Variants in ITPR3 observed in about 807,000 individuals in gnomAD.
The protein encoded by ITPR3 is inositol 1,4,5-trisphosphate-gated calcium channel ITPR3.
In ITPR3, 173 loss-of-function variants were observed where a neutral mutation model predicts 293.2. The observed-to-expected ratio is 0.59, with a 90% CI of 0.52 to 0.67. ITPR3 has a LOEUF of 0.67. Ranked by LOEUF, ITPR3 falls within the 30% of genes least tolerant of loss-of-function variation. The probability of loss-of-function intolerance (pLI) is 0.00; values close to 1 mark genes in which losing one functional copy is unlikely to be tolerated. For synonymous variants in ITPR3, 1,295 were observed against 1,444.4 expected (o/e 0.90, Z 2.35); for missense variants, 2,796 against 3,592.1 (o/e 0.78, Z 5.66).
At chr6:33,663,229 CAG>C (rs1459236161) in intron 9 of ITPR3, among the ~76,000 whole-genome samples, 1 of 151,160 alleles carries the variant, frequency 6.6e-6, no homozygotes, top group Non-Finnish European at 1.5e-5. Context: ...ATTCTAGGCA[CAG>C]GGGATACAAA....
At chr6:33,639,370 C>T (rs149416536) in intron 1 of ITPR3, among the ~76,000 whole-genome samples, 1,651 of 132,972 alleles carry the variant, frequency 0.012, 39 homozygotes, top group African/African-American at 0.047. Flanking sequence ...CAGAGTGAAA[C>T]TCTGTCTCAA....
chr6:33,666,735 G>A lies in ITPR3; in HGVS notation c.1552-394G>A, dbSNP rs1764619171. Reference sequence around the variant, plus strand: ...CAGCCCCAGCCTTTAAAACATTTTTGTAATTATGTAACATTTTACTTTGAC... The same window carrying A: ...CAGCCCCAGCCTTTAAAACATTTTTATAATTATGTAACATTTTACTTTGAC... On this transcript the variant is annotated intron_variant, in intron 14 of 57. Transcript: ENST00000605930. This position sits in a 1 kb window ranked among gnomAD's most constrained non-coding sequence, Gnocchi z 5.1. 6.6e-6 allele frequency among the ~76,000 whole-genome samples: 1 copy of A among 151,576 alleles called. No homozygotes were observed. The highest frequency in any genetic ancestry group is 1.5e-5 in the Non-Finnish European group (1 of 67,954).
chr6:33,690,824 C>A, intron 51 of ITPR3, 93 bp from the exon 52 acceptor site: 1 of 1,199,296 alleles, frequency 8.3e-7, no homozygotes, highest in Non-Finnish European at 1.2e-6. Context: ...TGTCTGGAGC[C>A]CAGGCAGCCC....
In ITPR3 at chr6:33,640,164, G is replaced by A. The variant is rs115435819; in HGVS notation, c.90-320G>A. Among the ~76,000 whole-genome samples the A allele has an allele frequency of 3.2e-3, 492 of 152,188 alleles. 1 individual carries two copies. The highest frequency in any genetic ancestry group is 0.012 in the South Asian group (57 of 4,810). On this transcript the variant is annotated intron_variant, in intron 1 of 57. Coordinates refer to ENST00000605930, the MANE Select transcript of ITPR3 (RefSeq NM_002224.4). Reference sequence around the variant, plus strand: ...TCAGGGCAGCAGGGTCTCAGGGCTGGGACAGGAGATACACCTGCAGCATGT... The same window carrying A: ...TCAGGGCAGCAGGGTCTCAGGGCTGAGACAGGAGATACACCTGCAGCATGT...
rs988116082 is a variant in ITPR3, at chr6:33,672,116, C to T, written c.2816C>T (p.Pro939Leu). Residue 939 changes from proline (P) to leucine (L), a missense_variant, in exon 22 of 58, where the codon CCC becomes CTC. Pro to Leu is a moderately conservative substitution (Grantham distance 98, BLOSUM62 -3). This residue lies in a region of ITPR3 where 955 missense variants were observed against 1,180.8 expected (regional missense o/e 0.81). Coordinates refer to ENST00000605930, the MANE Select transcript of ITPR3 (RefSeq NM_002224.4). This position sits in a 1 kb window ranked among gnomAD's most constrained non-coding sequence, Gnocchi z 5.0. ...CGCAAGCAGTCCGTCTTCAGTGCCC[C>T]CAGCCTGTCTGCTGGGGCCAGTGCT... Reference protein sequence around the residue: ...LSRKQSVFSAPSLSAGASAAE... With the variant: ...LSRKQSVFSALSLSAGASAAE... 3 of 1,613,934 alleles carry T rather than the reference C, an allele frequency of 1.9e-6. No homozygotes were observed. The highest frequency in any genetic ancestry group is 2.5e-6 in the Non-Finnish European group (3 of 1,179,966).
intron 1 of ITPR3, among the ~76,000 whole-genome samples, chr6:33,627,554 A>G (rs1382972185): frequency 6.6e-6 from 1 of 152,206 alleles, no homozygotes; most frequent in Non-Finnish European, 1.5e-5. Flanking sequence ...GTTAAGAACA[A>G]TTTGCCCTGA....
intron 22 of ITPR3, among the ~76,000 whole-genome samples, chr6:33,673,352 A>G (rs371305066): frequency 4.6e-5 from 7 of 151,832 alleles, no homozygotes; most frequent in African/African-American, 1.2e-4. Flanking sequence ...AGGCCCTCAT[A>G]CTCCATCACT....
chr6:33,677,411 C>A, intron 27 of ITPR3, 93 bp from the exon 28 acceptor site: 1 of 1,555,066 alleles, frequency 6.4e-7, no homozygotes, highest in Non-Finnish European at 8.7e-7. Flanking sequence ...CCTTCCTGTC[C>A]CGGGTGCCAG....
chr6:33,654,073 G>C lies in ITPR3; in HGVS notation c.161-1693G>C, dbSNP rs1764252926. Among the ~76,000 whole-genome samples, 5 of 152,140 alleles carry C rather than the reference G, an allele frequency of 3.3e-5. No individual in the cohort carries two copies. Among genetic ancestry groups the C allele is most frequent in the Admixed American group, 3.3e-4 (5 of 15,272 alleles). ...ACTTGAGGTCAGGAGTTTGAGACCAGCTTGGGCAATATGGCGAAACCCCGT... is the reference window on the plus strand; with the variant it reads ...ACTTGAGGTCAGGAGTTTGAGACCACCTTGGGCAATATGGCGAAACCCCGT... On this transcript the variant is annotated intron_variant, in intron 2 of 57. Transcript: ENST00000605930. The surrounding 1 kb of genome is among the most constrained non-coding windows in gnomAD (Gnocchi z 4.1).
In ITPR3 at chr6:33,658,445, T is replaced by C. The variant is rs556041304; in HGVS notation, c.370-225T>C. Among the ~76,000 whole-genome samples, 56 of 152,332 alleles carry C rather than the reference T, an allele frequency of 3.7e-4. No individual in the cohort carries two copies. The highest frequency in any genetic ancestry group is 1.3e-3 in the African/African-American group (56 of 41,580). Reference sequence around the variant, plus strand: ...TGTAAAGTATTTAGAACAGCCTCTTTCTTGTGATCACCAGGGTGTCCATGG... The same window carrying C: ...TGTAAAGTATTTAGAACAGCCTCTTCCTTGTGATCACCAGGGTGTCCATGG... On this transcript the variant is annotated intron_variant, in intron 4 of 57. Coordinates refer to ENST00000605930, the MANE Select transcript of ITPR3 (RefSeq NM_002224.4). This position sits in a 1 kb window ranked among gnomAD's most constrained non-coding sequence, Gnocchi z 6.1.
intron 24 of ITPR3, among the ~76,000 whole-genome samples, chr6:33,674,507 C>A (rs1185840842): frequency 6.6e-6 from 1 of 152,234 alleles, no homozygotes; most frequent in African/African-American, 2.4e-5. Flanking sequence ...GTGTGCCTCT[C>A]TTGTGCAGTG....
chr6:33,674,262 T>C lies in ITPR3; in HGVS notation c.3113T>C (p.Val1038Ala). ...GAGCAGGCGGAGGCCATGTTTGGAG[T>C]GGGGTGAGGCCAGGGTTGAGCTGCA... ...IGEQAEAMFGVGKTSSMLEVD... is the reference protein window; with the variant it reads ...IGEQAEAMFGAGKTSSMLEVD... The change falls in exon 24 of 58, where the codon GTG becomes GCG. Residue 1038 changes from valine (V) to alanine (A), a missense_variant. This residue lies in a region of ITPR3 where 955 missense variants were observed against 1,180.8 expected (regional missense o/e 0.81). Transcript: ENST00000605930. The C allele has an allele frequency of 1.2e-6, 2 of 1,613,586 alleles. No individual in the cohort carries two copies. Among genetic ancestry groups the C allele is most frequent in the Non-Finnish European group, 1.7e-6 (2 of 1,179,842 alleles).
At chr6:33,678,598 C>CGGGGGGGGGGGGGGGGGGGGGGGGGG in intron 29 of ITPR3, 41 bp from the exon 30 acceptor site, 2 of 1,100,118 alleles carry the variant, frequency 1.8e-6, no homozygotes, top group Non-Finnish European at 2.6e-6. Flanking sequence ...GGGGTGGGGG[C>CGGGGGGGGGGGGGGGGGGGGGGGGGG]GGGGCCCAGA....
At chr6:33,648,972 T>C (rs1000072251) in intron 2 of ITPR3, among the ~76,000 whole-genome samples, 1 of 152,150 alleles carries the variant, frequency 6.6e-6, no homozygotes, top group Non-Finnish European at 1.5e-5. Context: ...CAATCTCGGC[T>C]CACTGCAACC....
Position 33,671,238 on chromosome 6 carries a change from C to CA in ITPR3, c.2661dup (p.Leu888ThrfsTer19). Reference sequence around the variant, plus strand: ...AGCGAGCTGCTGCGGCTCACTCGCACACTGCTGGGCATCATCGACTGTGTG... The same window carrying CA: ...AGCGAGCTGCTGCGGCTCACTCGCACAACTGCTGGGCATCATCGACTGTGTG... On this transcript the variant is annotated frameshift_variant, in exon 21 of 58. Coordinates refer to ENST00000605930, the MANE Select transcript of ITPR3 (RefSeq NM_002224.4). LOFTEE classifies it high-confidence loss of function. 1 of 1,613,718 alleles carries CA rather than the reference C, an allele frequency of 6.2e-7. No homozygotes were observed. The highest frequency in any genetic ancestry group is 2.2e-5 in the East Asian group (1 of 44,864).
chr6:33,686,894 T>C, intron 43 of ITPR3, 115 bp from the exon 44 acceptor site: 2 of 828,930 alleles, frequency 2.4e-6, no homozygotes, highest in South Asian at 1.6e-5. Flanking sequence ...GGGAAGGTCA[T>C]GGCACCTGAC....
rs1331632522 is a variant in ITPR3 at position 33,654,485 on chromosome 6, C to T, written c.161-1281C>T. The stretch of plus-strand genomic sequence containing the variant: ...CTTTGGTTCACTCTGTTTCTACTCC[C>T]GATGGTCCCATGGAGCTTTTGCCTC... On this transcript the variant is annotated intron_variant, in intron 2 of 57. Coordinates refer to ENST00000605930, the MANE Select transcript of ITPR3 (RefSeq NM_002224.4). This position sits in a 1 kb window ranked among gnomAD's most constrained non-coding sequence, Gnocchi z 4.1. 3.9e-5 allele frequency among the ~76,000 whole-genome samples: 6 copies of T among 152,088 alleles called. No homozygotes were observed. Among genetic ancestry groups the T allele is most frequent in the African/African-American group, 9.7e-5 (4 of 41,394 alleles).
In ITPR3 at chr6:33,680,376, G is replaced by A. The variant is rs1042231325; in HGVS notation, c.4272G>A (p.Thr1424=). Residue 1424 remains threonine, a synonymous_variant, in exon 32 of 58, where the codon ACG becomes ACA. Transcript: ENST00000605930. ...TCGTGAACCACTGCTACGTGGACAC[G>A]GAGGTGGAGATGAAGGAGATCTACA... The part of the protein sequence containing the change: ...VNFVNHCYVD[T]EVEMKEIYTS... The A allele has an allele frequency of 6.4e-6, 9 of 1,403,112 alleles. No homozygotes were observed. In the South Asian group the frequency reaches 6.7e-5, roughly 10 times the overall value. 86.9% of individuals were successfully genotyped at this position (1,403,112 alleles called of 1,614,324 possible).
At position 33,669,128 on chromosome 6, in the gene ITPR3, C is replaced by T; in HGVS notation, c.2161C>T (p.His721Tyr). The T allele has an allele frequency of 1.2e-6, 2 of 1,614,034 alleles. No individual in the cohort carries two copies. The highest frequency in any genetic ancestry group is 8.5e-7 in the Non-Finnish European group (1 of 1,179,974). Residue 721 changes from histidine to tyrosine, a missense_variant, in exon 18 of 58, where the codon CAC becomes TAC. Transcript: ENST00000605930. ...CCAGGAGGCGCGGGCCGGCAACGCC[C>T]ACGACGAGAATGTGCTCAGCTACTA... is the stretch of plus-strand genomic sequence containing the variant. The part of the protein sequence containing the change: ...LAQEARAGNA[H>Y]DENVLSYYRY...
Sources: gnomAD v4.1 joint callset for allele counts (sites outside exome capture counted in the v4.1 genomes callset) on GRCh38, gnomAD v4.1.1 for gene constraint, gnomAD v4.1.1 regional missense constraint, Gnocchi (gnomAD v3.1) non-coding constraint, MANE v1.5 for transcripts, NCBI Gene and HGNC (gene_info 2026-07-23, HGNC 2026-07-21) for gene names.